TLE6: variants seen among roughly 807,000 people sequenced by gnomAD.
TLE6 encodes the protein transducin-like enhancer protein 6.
TLE6 carries 72 observed loss-of-function variants against 77.1 expected under a neutral mutation model. The ratio of observed to expected loss-of-function variants is 0.93; its 90% CI spans 0.77 to 1.14. The LOEUF (loss-of-function observed/expected upper bound fraction) is 1.14. Ranked by LOEUF, TLE6 falls within the 50% of genes most tolerant of loss-of-function variation. The pLI is 0.00. For synonymous variants in TLE6, 366 were observed against 287.3 expected, an observed-to-expected ratio of 1.27 and a Z score of -2.77; for missense variants, 843 against 747.6, an observed-to-expected ratio of 1.13 and a Z score of -1.49.
At position 2,993,454 on chromosome 19, in the gene TLE6, C is replaced by G; in HGVS notation, c.1409C>G (p.Pro470Arg). 1 of 1,603,048 alleles carries G rather than the reference C, an allele frequency of 6.2e-7. No individual in the cohort carries two copies. Among genetic ancestry groups the G allele is most frequent in the Admixed American group, 1.7e-5 (1 of 59,636 alleles). Residue 470 changes from proline to arginine, a missense_variant, in exon 15 of 17, where the codon CCC (proline) becomes CGC (arginine). Pro to Arg is a moderately radical substitution (Grantham distance 103). Coordinates refer to ENST00000246112, the MANE Select transcript of TLE6 (RefSeq NM_001143986.2). ...TAGATAATGAGCCTGTCCCACAGCC[C>G]CCAGGAGGACTGGGTGCTGCTGGGC... Reference protein sequence around the residue: ...KSQIMSLSHSPQEDWVLLGMA... With the variant: ...KSQIMSLSHSRQEDWVLLGMA...
intron 2 of TLE6, among the ~76,000 whole-genome samples, chr19:2,979,856 C>T (rs937024058): frequency 4.0e-5 from 6 of 148,746 alleles, no homozygotes; most frequent in African/African-American, 1.5e-4. Context: ...CCCAGCTACT[C>T]GGGAGGCTGA....
chr19:2,981,134 G>A (rs1027030578), intron 3 of TLE6, among the ~76,000 whole-genome samples: 6 of 151,940 alleles, frequency 3.9e-5, no homozygotes, highest in South Asian at 2.1e-4. Context: ...CGAGGTGGGC[G>A]GATCACCTGG....
Position 2,988,131 on chromosome 19 carries a change from A to G in TLE6, c.740+3A>G, listed in dbSNP as rs962250399. 2.6e-6 allele frequency: 4 copies of G among 1,551,540 alleles called. No individual in the cohort carries two copies. Among genetic ancestry groups the G allele is most frequent in the Non-Finnish European group, 3.5e-6 (4 of 1,146,962 alleles). On this transcript the variant is annotated splice_donor_region_variant and intron_variant, in intron 11 of 16. Coordinates refer to ENST00000246112, the MANE Select transcript of TLE6 (RefSeq NM_001143986.2). ...GCCTCTCGGTTTCTACAGTCCATGT[A>G]AGTGTCTGCACTGTTTGCTTTTGGG... is the stretch of plus-strand genomic sequence containing the variant.
chr19:2,980,678 A>C (rs1319495401), intron 3 of TLE6, among the ~76,000 whole-genome samples: 1 of 150,648 alleles, frequency 6.6e-6, no homozygotes, highest in Non-Finnish European at 1.5e-5. Flanking sequence ...GGAGGGTTGC[A>C]GTGAGCCAGG....
At position 2,980,133 on chromosome 19, in the gene TLE6, C is replaced by G. The variant is rs1278976990; in HGVS notation, c.85C>G (p.Pro29Ala). 6 of 1,550,274 alleles carry G rather than the reference C, an allele frequency of 3.9e-6. No individual in the cohort carries two copies. Among genetic ancestry groups the G allele is most frequent in the Non-Finnish European group, 5.2e-6 (6 of 1,146,190 alleles). ...CPGISNSESSPTLNYQGILNR... is the reference protein window; with the variant it reads ...CPGISNSESSATLNYQGILNR... ...TGGGATCTCGAACTCTGAGAGCTCT[C>G]CGACGCTGAATTATCAGGGCATTCT... Residue 29 changes from proline to alanine, a missense_variant, in exon 3 of 17, where the codon CCG (proline) becomes GCG (alanine). Pro to Ala is a conservative substitution (Grantham distance 27). Coordinates refer to ENST00000246112, the MANE Select transcript of TLE6 (RefSeq NM_001143986.2).
At chr19:2,990,788 G>A (rs1383131086) in intron 13 of TLE6, among the ~76,000 whole-genome samples, 2 of 151,188 alleles carry the variant, frequency 1.3e-5, no homozygotes, top group Non-Finnish European at 1.5e-5. Context: ...ATCACTTGAG[G>A]CCAGGAGCTC....
In TLE6 at chr19:2,979,516, G is replaced by A. The variant is rs563425918; in HGVS notation, c.52-584G>A. Among the ~76,000 whole-genome samples the A allele has an allele frequency of 4.6e-5, 7 of 151,976 alleles. No homozygotes were observed. In the South Asian group the frequency reaches 1.0e-3, roughly 23 times the overall value. On this transcript the variant is annotated intron_variant, in intron 2 of 16. Coordinates refer to ENST00000246112, the MANE Select transcript of TLE6 (RefSeq NM_001143986.2). ...CTCACCTCGGCCTCCCAAAGTGCTG[G>A]GATTACAGGCATGAGCCACCTTGCC...
In TLE6 at chr19:2,987,131, A is replaced by G; in HGVS notation, c.434A>G (p.Gln145Arg). The G allele has an allele frequency of 6.2e-7, 1 of 1,614,078 alleles. No individual in the cohort carries two copies. The part of the protein sequence containing the change: ...PLGEDNQPET[Q>R]LFWDKEPWFW... The stretch of plus-strand genomic sequence containing the variant: ...GGGGAGGACAATCAGCCGGAGACCC[A>G]GCTGTTCTGGGACAAGGAGCCTTGG... Residue 145 changes from glutamine to arginine, a missense_variant, in exon 7 of 17, where the codon CAG becomes CGG. Coordinates refer to ENST00000246112, the MANE Select transcript of TLE6 (RefSeq NM_001143986.2).
Position 2,987,080 on chromosome 19 carries a change from C to G in TLE6, c.383C>G (p.Ser128Cys), listed in dbSNP as rs1417244151. The G allele has an allele frequency of 5.0e-6, 8 of 1,614,182 alleles. No homozygotes were observed. Among genetic ancestry groups the G allele is most frequent in the Non-Finnish European group, 6.8e-6 (8 of 1,180,026 alleles). Residue 128 changes from serine (S) to cysteine (C), a missense_variant, in exon 7 of 17, where the codon TCC becomes TGC. Physicochemically the swap from Ser to Cys is moderately radical, Grantham distance 112. Coordinates refer to ENST00000246112, the MANE Select transcript of TLE6 (RefSeq NM_001143986.2). ...TTTGAGGACATCATGGCCACCAGGTCCTCCGACTGGCTCCGGCGGCCTTTG... is the reference window on the plus strand; with the variant it reads ...TTTGAGGACATCATGGCCACCAGGTGCTCCGACTGGCTCCGGCGGCCTTTG... ...SSFEDIMATRSSDWLRRPLGE... is the reference protein window; with the variant it reads ...SSFEDIMATRCSDWLRRPLGE...
At chr19:2,992,499 A>G (rs140891064) in intron 14 of TLE6, among the ~76,000 whole-genome samples, 1 of 152,084 alleles carries the variant, frequency 6.6e-6, no homozygotes, top group Non-Finnish European at 1.5e-5. Flanking sequence ...GGCCAGGCAC[A>G]GTGGCGTATG....
chr19:2,991,909 G>A lies in TLE6; in HGVS notation c.1311G>A (p.Gly437=). 1 of 1,613,740 alleles carries A rather than the reference G, an allele frequency of 6.2e-7. No homozygotes were observed. Among genetic ancestry groups the A allele is most frequent in the Non-Finnish European group, 8.5e-7 (1 of 1,179,834 alleles). Residue 437 remains glycine, a synonymous_variant, in exon 14 of 17, where the codon GGG becomes GGA. Coordinates refer to ENST00000246112, the MANE Select transcript of TLE6 (RefSeq NM_001143986.2). The part of the protein sequence containing the change: ...IVVKGYNIWT[G]GPDACLRCWD... ...TCAAGGGCTACAACATCTGGACTGG[G>A]GGTCCGGATGCCTGTCTGCGGTGCT...
intron 13 of TLE6, among the ~76,000 whole-genome samples, chr19:2,991,480 C>T (rs186134446): frequency 4.4e-4 from 66 of 148,966 alleles, no homozygotes; most frequent in Admixed American, 1.3e-3. Flanking sequence ...CATATGTTTG[C>T]AGGAAGCAAT....
rs767222404 is a variant in TLE6, at chr19:2,993,574, C to G, written c.1529C>G (p.Ser510Cys). The G allele has an allele frequency of 1.3e-6, 2 of 1,562,474 alleles. No homozygotes were observed. Among genetic ancestry groups the G allele is most frequent in the Non-Finnish European group, 1.7e-6 (2 of 1,148,180 alleles). ...KDSVILSVKF[S>C]PFGQWWASVG... ...AGCGTCATCCTGAGCGTCAAGTTCT[C>G]CCCCTTTGGTAAGCGGCTGGCGGAA... The change falls in exon 15 of 17, where the codon TCC becomes TGC. Residue 510 changes from serine (S) to cysteine (C), a missense_variant. Physicochemically the swap from Ser to Cys is moderately radical, Grantham distance 112. Coordinates refer to ENST00000246112, the MANE Select transcript of TLE6 (RefSeq NM_001143986.2).
Position 2,994,059 on chromosome 19 carries a change from C to T in TLE6, c.1578C>T (p.Gly526=), listed in dbSNP as rs537616407. ...WASVGMDDFL[G]VYSMPAGTKV... ...GCGTTGGAATGGACGACTTCCTTGGCGTCTACAGCATGCCGGCGGGGACAA... is the reference window on the plus strand; with the variant it reads ...GCGTTGGAATGGACGACTTCCTTGGTGTCTACAGCATGCCGGCGGGGACAA... The change falls in exon 16 of 17, where the codon GGC becomes GGT. Residue 526 remains glycine, a synonymous_variant. Coordinates refer to ENST00000246112, the MANE Select transcript of TLE6 (RefSeq NM_001143986.2). The T allele has an allele frequency of 3.2e-5, 52 of 1,608,568 alleles. No homozygotes were observed. The East Asian group carries it at 7.2e-4, about 22-fold the overall frequency.
intron 5 of TLE6, among the ~76,000 whole-genome samples, chr19:2,983,595 C>T (rs1334760680): frequency 7.4e-6 from 1 of 134,966 alleles, no homozygotes; most frequent in Non-Finnish European, 1.5e-5. Flanking sequence ...TACGAGGAAG[C>T]CCGCATGGCT....
chr19:2,983,587 C>T (rs901624750), intron 5 of TLE6, among the ~76,000 whole-genome samples: 1 of 131,748 alleles, frequency 7.6e-6, no homozygotes, highest in Non-Finnish European at 1.6e-5. Flanking sequence ...GAAGGCACTA[C>T]GAGGAAGCCC....
At chr19:2,991,413 C>T (rs957602636) in intron 13 of TLE6, among the ~76,000 whole-genome samples, 1 of 148,086 alleles carries the variant, frequency 6.8e-6, no homozygotes, top group Non-Finnish European at 1.5e-5. Flanking sequence ...CACACACACA[C>T]ACACACACAC....
In TLE6 at chr19:2,995,042, T is replaced by A; in HGVS notation, c.*38T>A. The A allele has an allele frequency of 7.6e-7, 1 of 1,317,412 alleles. No homozygotes were observed. Among genetic ancestry groups the A allele is most frequent in the Non-Finnish European group, 1.0e-6 (1 of 953,600 alleles). 81.6% of individuals were successfully genotyped at this position (1,317,412 alleles called of 1,614,324 possible). ...CTGTCATCCCACTCCGGCTCCTCTT[T>A]TCATCCCCCCCCTTCCCCCCCCCCA... On this transcript the variant is annotated 3_prime_UTR_variant, in exon 17 of 17. Coordinates refer to ENST00000246112, the MANE Select transcript of TLE6 (RefSeq NM_001143986.2).
rs34551565 is a variant in TLE6, at chr19:2,994,923, G to A, written c.1638G>A (p.Thr546=). 0.22 allele frequency: 356,246 copies of A among 1,598,736 alleles called. 41,755 individuals carry two copies. Among genetic ancestry groups the A allele is most frequent in the East Asian group, 0.36 (16,084 of 44,604 alleles). ...AGGTGCCTGAGATGTCTCCAGTCAC[G>A]TGCTGTGACGTCTCTTCCAACAACC... ...VFEVPEMSPV[T]CCDVSSNNRL... The change falls in exon 17 of 17, where the codon ACG becomes ACA. Residue 546 remains threonine (T), a synonymous_variant. Coordinates refer to ENST00000246112, the MANE Select transcript of TLE6 (RefSeq NM_001143986.2).
Sources: gnomAD v4.1 joint callset for allele counts (sites outside exome capture counted in the v4.1 genomes callset) on GRCh38, gnomAD v4.1.1 for gene constraint, MANE v1.5 for transcripts, NCBI Gene and HGNC (gene_info 2026-07-23, HGNC 2026-07-21) for gene names.